HNRNPD: variants seen among roughly 807,000 people sequenced by gnomAD.
The protein encoded by HNRNPD is heterogeneous nuclear ribonucleoprotein D, also known as heterogeneous nuclear ribonucleoprotein D0.
HNRNPD carries 3 observed loss-of-function variants against 47.9 expected under a neutral mutation model. The observed-to-expected ratio is 0.06, with a 90% CI of 0.03 to 0.16. The LOEUF (loss-of-function observed/expected upper bound fraction) is 0.16, where lower values mean the gene tolerates loss of function less well. Among genes scored for constraint, HNRNPD ranks in the 10% least tolerant of loss-of-function variants. The pLI is 1.00. For missense variants in HNRNPD, 287 were observed against 454.2 expected (o/e 0.63, Z 3.35); for synonymous variants, 171 against 165.1 (o/e 1.04, Z -0.28).
intron 2 of HNRNPD, among the ~76,000 whole-genome samples, chr4:82,363,954 G>A (rs1323638328): frequency 9.9e-5 from 15 of 152,276 alleles, no homozygotes; most frequent in South Asian, 8.3e-4. Context: ...AGGCAATAAA[G>A]ACAAAATGCC....
intron 2 of HNRNPD, among the ~76,000 whole-genome samples, chr4:82,364,243 A>G (rs1489553850): frequency 1.3e-5 from 2 of 152,238 alleles, no homozygotes; most frequent in Non-Finnish European, 2.9e-5. Context: ...CTGGAATTCC[A>G]AACATGAACC....
At chr4:82,358,429 G>A (rs1723820940) in intron 4 of HNRNPD, 1 of 396,418 alleles carries the variant, frequency 2.5e-6, no homozygotes, top group Non-Finnish European at 4.5e-6. Flanking sequence ...TTTCATCTTT[G>A]TATACTCTAC....
In HNRNPD at chr4:82,373,735, A is replaced by G; in HGVS notation, c.-57T>C. The G allele has an allele frequency of 6.6e-7, 1 of 1,525,458 alleles. No individual in the cohort carries two copies. The highest frequency in any genetic ancestry group is 1.2e-5 in the South Asian group (1 of 83,558). The allele number at this position is 1,525,458 out of a possible 1,614,324, so 94.5% of individuals were successfully genotyped here. On this transcript the variant is annotated 5_prime_UTR_variant, in exon 1 of 9. Transcript: ENST00000313899. ...CTACACCCGCCGCTGCCGCGAACCG[A>G]AACTAGCAGCAAAGTAATCCCCGCC...
chr4:82,363,836 G>C (rs1719610341), intron 2 of HNRNPD, among the ~76,000 whole-genome samples: 1 of 152,162 alleles, frequency 6.6e-6, no homozygotes, highest in South Asian at 2.1e-4. Context: ...CAAGCATAAA[G>C]TTATACAACT....
intron 2 of HNRNPD, 123 bp downstream of exon 2, chr4:82,371,405 C>T: frequency 2.9e-6 from 2 of 689,360 alleles, no homozygotes; most frequent in Non-Finnish European, 4.8e-6. Flanking sequence ...AGGTACAAAC[C>T]TACTGTATGT....
At chr4:82,356,994 A>G (rs1723739147) in intron 5 of HNRNPD, 99 bp from the exon 6 acceptor site, 4 of 1,044,492 alleles carry the variant, frequency 3.8e-6, no homozygotes. Context: ...TAAATAGAGT[A>G]GGCTAATTTG....
At position 82,373,807 on chromosome 4, in the gene HNRNPD, G is replaced by A. The variant is rs757002313; in HGVS notation, c.-129C>T. 4.8e-4 allele frequency: 727 copies of A among 1,499,716 alleles called. 8 individuals are homozygous for A. Among genetic ancestry groups the A allele is most frequent in the Admixed American group, 2.1e-4 (10 of 48,022 alleles). 92.9% of individuals were successfully genotyped at this position (1,499,716 alleles called of 1,614,324 possible). A position where few individuals can be genotyped will look rare whatever the true frequency, so the allele number is the denominator to read the frequency against. On this transcript the variant is annotated 5_prime_UTR_variant, in exon 1 of 9. Transcript: ENST00000313899. Reference sequence around the variant, plus strand: ...CTCGCGAAGCACACAAGACAGGGAAGGCGCGCGCGTGGCTGCAAAGGCTCC... The same window carrying A: ...CTCGCGAAGCACACAAGACAGGGAAAGCGCGCGCGTGGCTGCAAAGGCTCC...
chr4:82,370,079 T>C (rs1293055345), intron 2 of HNRNPD, among the ~76,000 whole-genome samples: 1 of 152,038 alleles, frequency 6.6e-6, no homozygotes, highest in Non-Finnish European at 1.5e-5. Context: ...GAGGTGGAGG[T>C]TGCGCTGAGC....
At position 82,362,907 on chromosome 4, in the gene HNRNPD, C is replaced by CT. The variant is rs1489771843; in HGVS notation, c.291-3269dup. ...AAGCTACCATACCCAGCCCCAAACT[C>CT]TAACTTTATAGTACAATGGGGAAAA... On this transcript the variant is annotated intron_variant, in intron 2 of 8. Transcript: ENST00000313899. Among the ~76,000 whole-genome samples the CT allele has an allele frequency of 3.9e-5, 6 of 152,140 alleles. No individual in the cohort carries two copies. In the South Asian group the frequency reaches 8.3e-4, roughly 21 times the overall value.
At chr4:82,363,022 T>A (rs1347438257) in intron 2 of HNRNPD, among the ~76,000 whole-genome samples, 2 of 141,942 alleles carry the variant, frequency 1.4e-5, no homozygotes, top group Non-Finnish European at 1.5e-5. Context: ...CATAATGATT[T>A]TATATATATA....
chr4:82,352,966 T>C lies in HNRNPD; in HGVS notation c.*1219A>G, dbSNP rs540081802. Reference sequence around the variant, plus strand: ...CATTTGTTACCTTTCTAATGAACTATTCTGAGCAGTCTGAAGTAACTGACT... The same window carrying C: ...CATTTGTTACCTTTCTAATGAACTACTCTGAGCAGTCTGAAGTAACTGACT... On this transcript the variant is annotated 3_prime_UTR_variant, in exon 9 of 9. Transcript: ENST00000313899. 1.3e-5 allele frequency: 2 copies of C among 152,304 alleles called. No homozygotes were observed. The highest frequency in any genetic ancestry group is 1.3e-4 in the Admixed American group (2 of 15,306). The allele number at this position is 152,304 out of a possible 1,614,324, so 9.4% of individuals were successfully genotyped here.
At chr4:82,357,102 T>C (rs1723745126) in intron 5 of HNRNPD, among the ~76,000 whole-genome samples, 1 of 152,224 alleles carries the variant, frequency 6.6e-6, no homozygotes, top group East Asian at 1.9e-4. Context: ...ATTTTACTTG[T>C]CAAGTTCTAA....
chr4:82,354,311 G>C (rs1404105112), intron 8 of HNRNPD, 157 bp from the exon 9 acceptor site: 1 of 152,306 alleles, frequency 6.6e-6, no homozygotes, highest in Non-Finnish European at 1.5e-5. Flanking sequence ...CTGAACAGTA[G>C]AGTCCATGAG....
rs930107891 is a variant in HNRNPD at position 82,353,605 on chromosome 4, A to G, written c.*580T>C. ...ATAAATCTTAATGGCTACATAAGGA[A>G]GTATTATTAAAACAACCAACAAACA... On this transcript the variant is annotated 3_prime_UTR_variant, in exon 9 of 9. Transcript: ENST00000313899. 6.5e-6 allele frequency: 1 copy of G among 152,676 alleles called. No individual in the cohort carries two copies. The highest frequency in any genetic ancestry group is 1.5e-5 in the Non-Finnish European group (1 of 68,040). The allele number at this position is 152,676 out of a possible 1,614,324, so 9.5% of individuals were successfully genotyped here. A position where few individuals can be genotyped will look rare whatever the true frequency, so the allele number is the denominator to read the frequency against.
rs1173129926 is a variant in HNRNPD, at chr4:82,361,615, T to C, written c.291-1976A>G. The stretch of plus-strand genomic sequence containing the variant: ...ATGGAGACAGAACTAGTTTTGATTT[T>C]ATTTAACCAAAAAGCAATGTTTATA... On this transcript the variant is annotated intron_variant, in intron 2 of 8. Coordinates refer to ENST00000313899, the MANE Select transcript of HNRNPD (RefSeq NM_031370.3). Among the ~76,000 whole-genome samples, 3 of 152,364 alleles carry C rather than the reference T, an allele frequency of 2.0e-5. No individual in the cohort carries two copies. In the East Asian group the frequency reaches 5.8e-4, roughly 29 times the overall value.
intron 1 of HNRNPD, among the ~76,000 whole-genome samples, chr4:82,372,007 T>C (rs1342444156): frequency 1.3e-5 from 2 of 152,062 alleles, no homozygotes; most frequent in Admixed American, 6.6e-5. Flanking sequence ...ATAAACCCTA[T>C]ATTCCAAAGT....
intron 4 of HNRNPD, chr4:82,358,228 G>C (rs1054792719): frequency 3.2e-5 from 5 of 155,248 alleles, no homozygotes; most frequent in African/African-American, 1.2e-4. Context: ...ATTACTACAG[G>C]CATGAGCCAT....
chr4:82,355,133 G>A (rs1723660538), intron 8 of HNRNPD, 171 bp downstream of exon 8: 2 of 586,128 alleles, frequency 3.4e-6, no homozygotes, highest in African/African-American at 1.9e-5. Context: ...GGACAAAAAG[G>A]CAAAAGCTTA....
chr4:82,371,005 CTT>C (rs1560440278), intron 2 of HNRNPD, among the ~76,000 whole-genome samples: 44 of 151,636 alleles, frequency 2.9e-4, no homozygotes, highest in Admixed American at 1.6e-3. Flanking sequence ...CACACACACA[CTT>C]CTTATTAAAG....
Sources: allele counts gnomAD v4.1 joint callset (sites outside exome capture counted in the v4.1 genomes callset), GRCh38; gene constraint gnomAD v4.1.1; transcripts MANE v1.5; gene names NCBI Gene and HGNC (gene_info 2026-07-23, HGNC 2026-07-21).